The following SPAG16 variants were observed in gnomAD, a reference collection of about 807,000 sequenced individuals.
The protein encoded by SPAG16 is sperm-associated antigen 16 protein.
Under a neutral mutation model 80.4 loss-of-function variants are expected in SPAG16, and 86 were observed. The observed-to-expected ratio is 1.07, with a 90% CI of 0.90 to 1.28. SPAG16 has a LOEUF of 1.28. SPAG16 is among the 50% of genes most tolerant of loss of function. The pLI, the probability that SPAG16 is intolerant of heterozygous loss-of-function variation, is 0.00. For missense variants in SPAG16, 870 were observed against 765.3 expected (o/e 1.14, Z -1.61); for synonymous variants, 294 against 265.9 (o/e 1.11, Z -1.03).
chr2:214,145,219 A>T (rs1409557386), intron 14 of SPAG16, among the ~76,000 whole-genome samples: 4 of 151,980 alleles, frequency 2.6e-5, no homozygotes, highest in Non-Finnish European at 2.9e-5. Flanking sequence ...GTGCAGAGAG[A>T]TAGTAGTTCA....
intron 9 of SPAG16, among the ~76,000 whole-genome samples, chr2:213,454,378 G>T (rs1175855982): frequency 1.3e-5 from 2 of 152,002 alleles, no homozygotes; most frequent in East Asian, 3.9e-4. Context: ...ATATATTTGT[G>T]TGTTAGTCTA....
intron 15 of SPAG16, among the ~76,000 whole-genome samples, chr2:214,381,286 A>G (rs1205399182): frequency 6.6e-6 from 1 of 152,230 alleles, no homozygotes; most frequent in African/African-American, 2.4e-5. Context: ...TTCTGCATCA[A>G]ATCAGATCCT....
chr2:214,080,951 G>A (rs2051358075), intron 13 of SPAG16, among the ~76,000 whole-genome samples: 1 of 152,022 alleles, frequency 6.6e-6, no homozygotes, highest in African/African-American at 2.4e-5. Flanking sequence ...AGTTTTTCAA[G>A]TTCTCAGGTG....
chr2:213,748,507 C>T (rs552228167), intron 10 of SPAG16, among the ~76,000 whole-genome samples: 11 of 151,656 alleles, frequency 7.3e-5, no homozygotes, highest in African/African-American at 2.4e-4. Context: ...TTCATTAGTT[C>T]TTTGTAAAAT....
intron 9 of SPAG16, among the ~76,000 whole-genome samples, chr2:213,445,886 A>G (rs1424523432): frequency 2.0e-5 from 3 of 152,208 alleles, no homozygotes; most frequent in Admixed American, 2.0e-4. Flanking sequence ...GTGAAACAGT[A>G]TAGAGGTTCC....
intron 12 of SPAG16, among the ~76,000 whole-genome samples, chr2:213,971,510 T>C (rs2106381002): frequency 6.6e-6 from 1 of 152,204 alleles, no homozygotes; most frequent in South Asian, 2.1e-4. Flanking sequence ...TAACACACAG[T>C]TTTCCATTTT....
chr2:214,139,671 G>C (rs994378276), intron 14 of SPAG16, among the ~76,000 whole-genome samples: 2 of 151,962 alleles, frequency 1.3e-5, no homozygotes, highest in African/African-American at 4.8e-5. Flanking sequence ...TTAATTCTGA[G>C]CACTGAACTC....
intron 9 of SPAG16, 30 bp from the exon 10 acceptor site, chr2:213,489,933 A>G (rs1481291137): frequency 1.3e-6 from 2 of 1,570,438 alleles, no homozygotes; most frequent in African/African-American, 1.4e-5. Context: ...GATATTTAAC[A>G]CAGAGCTCTT....
At chr2:213,731,364 T>TG (rs1316539310) in intron 10 of SPAG16, among the ~76,000 whole-genome samples, 5 of 151,992 alleles carry the variant, frequency 3.3e-5, no homozygotes, top group Admixed American at 2.6e-4. Context: ...TTCACCATGT[T>TG]GGGCAGGCTG....
intron 15 of SPAG16, among the ~76,000 whole-genome samples, chr2:214,294,735 G>A (rs981209483): frequency 5.3e-5 from 8 of 152,264 alleles, no homozygotes; most frequent in African/African-American, 1.9e-4. Context: ...TCAATCTTTA[G>A]CTGGCTTTAA....
At chr2:213,630,422 A>G (rs1285480682) in intron 10 of SPAG16, among the ~76,000 whole-genome samples, 1 of 152,130 alleles carries the variant, frequency 6.6e-6, no homozygotes, top group Non-Finnish European at 1.5e-5. Flanking sequence ...TCACAGATGA[A>G]CTGATATTGA....
intron 15 of SPAG16, among the ~76,000 whole-genome samples, chr2:214,169,873 T>C (rs2056808171): frequency 6.6e-6 from 1 of 152,018 alleles, no homozygotes; most frequent in African/African-American, 2.4e-5. Flanking sequence ...GAAAACGGCA[T>C]AATTTCTGCC....
intron 6 of SPAG16, among the ~76,000 whole-genome samples, chr2:213,344,041 T>C (rs2064831803): frequency 6.6e-6 from 1 of 152,138 alleles, no homozygotes; most frequent in Non-Finnish European, 1.5e-5. Flanking sequence ...CCAAATATGC[T>C]GTGAGCAGAC....
intron 15 of SPAG16, among the ~76,000 whole-genome samples, chr2:214,185,297 A>C (rs1265397190): frequency 6.6e-6 from 1 of 152,076 alleles, no homozygotes; most frequent in African/African-American, 2.4e-5. Context: ...ATCAGTGAAC[A>C]CAATTCCTAC....
intron 10 of SPAG16, among the ~76,000 whole-genome samples, chr2:213,508,333 G>C (rs1445351824): frequency 7.2e-5 from 11 of 152,184 alleles, no homozygotes; most frequent in Non-Finnish European, 1.5e-5. Context: ...AGCACTTTGG[G>C]AGGCCGAGGC....
chr2:213,700,187 A>G (rs1270402557), intron 10 of SPAG16, among the ~76,000 whole-genome samples: 1 of 152,028 alleles, frequency 6.6e-6, no homozygotes, highest in African/African-American at 2.4e-5. Flanking sequence ...CATTGATTTG[A>G]TGTTATAGAG....
intron 10 of SPAG16, among the ~76,000 whole-genome samples, chr2:213,622,457 A>G (rs1470219554): frequency 6.6e-6 from 1 of 152,154 alleles, no homozygotes; most frequent in Non-Finnish European, 1.5e-5. Context: ...TAGTGTGTCA[A>G]GGAGATGGAT....
intron 12 of SPAG16, among the ~76,000 whole-genome samples, chr2:213,952,473 C>T (rs1472926088): frequency 6.6e-6 from 1 of 151,844 alleles, no homozygotes; most frequent in East Asian, 1.9e-4. Flanking sequence ...AAATAAGATG[C>T]TGAAAATGTA....
At chr2:213,584,101 A>G (rs993161533) in intron 10 of SPAG16, among the ~76,000 whole-genome samples, 2 of 152,218 alleles carry the variant, frequency 1.3e-5, no homozygotes, top group Non-Finnish European at 2.9e-5. Flanking sequence ...TGTCCTTATA[A>G]GCACTCTACT....
Sources: allele counts gnomAD v4.1 joint callset (sites outside exome capture counted in the v4.1 genomes callset), GRCh38; gene constraint gnomAD v4.1.1; transcripts MANE v1.5; gene names NCBI Gene and HGNC (gene_info 2026-07-23, HGNC 2026-07-21).